Variants in NCOA6 observed in about 807,000 individuals in gnomAD.
The protein encoded by NCOA6 is nuclear receptor coactivator 6.
Under a neutral mutation model 171.4 loss-of-function variants are expected in NCOA6, and 49 were observed. That is an observed-to-expected ratio of 0.29 (90% CI 0.23 to 0.36). The LOEUF is 0.36. Ranked by LOEUF, NCOA6 falls within the 10% of genes least tolerant of loss-of-function variation. The pLI is 1.00. For missense variants in NCOA6, 2,248 were observed against 2,554.5 expected (o/e 0.88, Z 2.59); for synonymous variants, 910 against 927.5 (o/e 0.98, Z 0.34).
intron 1 of NCOA6, among the ~76,000 whole-genome samples, chr20:34,825,086 G>GCGACCCTGACCACGACCCCA (rs2079110988): frequency 6.6e-6 from 1 of 151,880 alleles, no homozygotes. Flanking sequence ...TTCCTTCTCC[G>GCGACCCTGACCACGACCCCA]CGACCCTGAC....
In NCOA6 at chr20:34,760,948, C is replaced by T. The variant is rs180749396; in HGVS notation, c.515-2015G>A. Among the ~76,000 whole-genome samples, 383 of 151,564 alleles carry T rather than the reference C, an allele frequency of 2.5e-3. 1 individual carries two copies. Among genetic ancestry groups the T allele is most frequent in the African/African-American group, 8.8e-3 (360 of 40,932 alleles). On this transcript the variant is annotated intron_variant, in intron 5 of 14. Coordinates refer to ENST00000359003, the MANE Select transcript of NCOA6 (RefSeq NM_014071.5). ...AAAGAAACATCTTTTGGGCCAGGCA[C>T]GGTGGCTGACACCTGTAATCCCAGC...
At chr20:34,793,726 C>T (rs952966827) in intron 1 of NCOA6, among the ~76,000 whole-genome samples, 6 of 151,280 alleles carry the variant, frequency 4.0e-5, no homozygotes, top group African/African-American at 1.5e-4. Flanking sequence ...AAAAAAACAA[C>T]AAACTAAGAA....
chr20:34,725,262 C>T (rs1023940707), intron 14 of NCOA6, among the ~76,000 whole-genome samples: 1 of 152,196 alleles, frequency 6.6e-6, no homozygotes, highest in Non-Finnish European at 1.5e-5. Context: ...TAATCTCCTG[C>T]CCTAACCAAG....
rs148955887 is a variant in NCOA6, at chr20:34,741,877, T to A, written c.4379A>T (p.Lys1460Met). 1.3e-5 allele frequency: 21 copies of A among 1,614,238 alleles called. No homozygotes were observed. In the African/African-American group the frequency reaches 2.5e-4, roughly 19 times the overall value. ...GTTAGGATCCGAAGGCTGCCCATCCTTTTTGGACTGATCTTCAGGGACAAC... is the reference window on the plus strand; with the variant it reads ...GTTAGGATCCGAAGGCTGCCCATCCATTTTGGACTGATCTTCAGGGACAAC... Reference protein sequence around the residue: ...KMVVPEDQSKKDGQPSDPNKL... With the variant: ...KMVVPEDQSKMDGQPSDPNKL... Residue 1460 changes from lysine (K) to methionine (M), a missense_variant, in exon 11 of 15, where the codon AAG becomes ATG. Coordinates refer to ENST00000359003, the MANE Select transcript of NCOA6 (RefSeq NM_014071.5).
intron 4 of NCOA6, 147 bp from the exon 5 acceptor site, chr20:34,768,733 A>T: frequency 1.2e-6 from 1 of 849,596 alleles, no homozygotes; most frequent in Admixed American, 2.8e-5. Context: ...TTCAATGTAG[A>T]TGGGTCTTTC....
At chr20:34,824,459 C>T (rs2079093771) in intron 1 of NCOA6, among the ~76,000 whole-genome samples, 1 of 152,244 alleles carries the variant, frequency 6.6e-6, no homozygotes, top group Admixed American at 6.5e-5. Context: ...CACCATTTTA[C>T]TGGCTTCAAT....
At chr20:34,811,201 G>GTATGTATATATA (rs1244311939) in intron 1 of NCOA6, among the ~76,000 whole-genome samples, 36 of 53,824 alleles carry the variant, frequency 6.7e-4, no homozygotes, top group African/African-American at 1.8e-3. Flanking sequence ...ACAACAACGT[G>GTATGTATATATA]TATATATATA....
rs546907889 is a variant in NCOA6 at position 34,783,704 on chromosome 20, C to T, written c.-49-1300G>A. Reference sequence around the variant, plus strand: ...GGTGGCACAATTCGGCTCACTGCAACCTCCACCTCCCAGGTTCAAGCAATT... The same window carrying T: ...GGTGGCACAATTCGGCTCACTGCAATCTCCACCTCCCAGGTTCAAGCAATT... On this transcript the variant is annotated intron_variant, in intron 2 of 14. Transcript: ENST00000359003. Among the ~76,000 whole-genome samples, 4 of 152,302 alleles carry T rather than the reference C, an allele frequency of 2.6e-5. No individual in the cohort carries two copies. In the East Asian group the frequency reaches 7.7e-4, roughly 29 times the overall value.
At position 34,746,959 on chromosome 20, in the gene NCOA6, T is replaced by C. The variant is rs201212759; in HGVS notation, c.2793-31A>G. 650 of 1,407,402 alleles carry C rather than the reference T, an allele frequency of 4.6e-4. 1 individual carries two copies. The highest frequency in any genetic ancestry group is 5.5e-4 in the Non-Finnish European group (577 of 1,048,062). The allele number at this position is 1,407,402 out of a possible 1,614,324, so 87.2% of individuals were successfully genotyped here. A position where few individuals can be genotyped will look rare whatever the true frequency, so the allele number is the denominator to read the frequency against. ...AAAAAAAAAAAAAAAAAAAGTGACA[T>C]ATTTTAGAATAAGTTGTATAGAAAA... On this transcript the variant is annotated intron_variant, in intron 9 of 14. Transcript: ENST00000359003.
chr20:34,824,524 C>T (rs904295514), intron 1 of NCOA6, among the ~76,000 whole-genome samples: 3 of 152,146 alleles, frequency 2.0e-5, no homozygotes, highest in Admixed American at 2.0e-4. Context: ...GTGGGCTGTC[C>T]CCTTCCAGGG....
At chr20:34,803,338 T>C (rs2425000) in intron 1 of NCOA6, among the ~76,000 whole-genome samples, 78,203 of 151,322 alleles carry the variant, frequency 0.52, 20,628 homozygotes, top group South Asian at 0.69. Context: ...TGTGGTGGCC[T>C]GCACCTGTAA....
intron 2 of NCOA6, among the ~76,000 whole-genome samples, chr20:34,788,876 C>T (rs867365597): frequency 3.9e-5 from 6 of 152,192 alleles, no homozygotes; most frequent in Non-Finnish European, 7.4e-5. Context: ...CCTGGGAGGC[C>T]GAGGTTGCGG....
chr20:34,796,623 G>A (rs2078085330), intron 1 of NCOA6, among the ~76,000 whole-genome samples: 1 of 151,956 alleles, frequency 6.6e-6, no homozygotes, highest in Admixed American at 6.6e-5. Context: ...GACCAGCCCA[G>A]GCAACACAGT....
intron 4 of NCOA6, among the ~76,000 whole-genome samples, chr20:34,773,523 C>T (rs1166880086): frequency 3.4e-5 from 5 of 145,292 alleles, no homozygotes; most frequent in African/African-American, 1.0e-4. Context: ...GGCGTGATCT[C>T]GGCTCACCGC....
intron 1 of NCOA6, among the ~76,000 whole-genome samples, chr20:34,816,236 C>T (rs1200589397): frequency 6.6e-6 from 1 of 152,092 alleles, no homozygotes; most frequent in African/African-American, 2.4e-5. Flanking sequence ...CAAACACTAC[C>T]TGTTATGTGT....
intron 1 of NCOA6, among the ~76,000 whole-genome samples, chr20:34,818,865 C>T (rs1388721908): frequency 6.6e-6 from 1 of 152,186 alleles, no homozygotes; most frequent in African/African-American, 2.4e-5. Flanking sequence ...CGTCCAACCA[C>T]TCTCTTAGAC....
At chr20:34,803,430 G>A (rs1267061238) in intron 1 of NCOA6, among the ~76,000 whole-genome samples, 1 of 149,782 alleles carries the variant, frequency 6.7e-6, no homozygotes, top group Non-Finnish European at 1.5e-5. Context: ...CGGCACCACT[G>A]TACTCCAGCC....
chr20:34,785,319 G>C (rs1387600657), intron 2 of NCOA6, among the ~76,000 whole-genome samples: 1 of 151,784 alleles, frequency 6.6e-6, no homozygotes, highest in African/African-American at 2.4e-5. Flanking sequence ...ACAACAGCAG[G>C]GTCAGTGGCT....
At chr20:34,790,074 TA>T (rs61537155) in intron 2 of NCOA6, among the ~76,000 whole-genome samples, 1,423 of 138,358 alleles carry the variant, frequency 0.01, 17 homozygotes, top group African/African-American at 0.027. Flanking sequence ...TTTCTACTAT[TA>T]AAAAAAAAAA....
Sources: allele counts gnomAD v4.1 joint callset (sites outside exome capture counted in the v4.1 genomes callset), GRCh38; gene constraint gnomAD v4.1.1; transcripts MANE v1.5; gene names NCBI Gene and HGNC (gene_info 2026-07-23, HGNC 2026-07-21).